The following PLD5 variants were observed in gnomAD, a reference collection of about 807,000 sequenced individuals.
The protein encoded by PLD5 is phospholipase D family member 5.
In PLD5, 36 loss-of-function variants were observed where a neutral mutation model predicts 61.1. The ratio of observed to expected loss-of-function variants is 0.59; its 90% CI spans 0.45 to 0.78. The LOEUF (loss-of-function observed/expected upper bound fraction) is 0.78. Among genes scored for constraint, PLD5 ranks in the 30% least tolerant of loss-of-function variants. PLD5 has a pLI of 0.00. For missense variants in PLD5, 515 were observed against 644.4 expected (o/e 0.80, Z 2.17); for synonymous variants, 243 against 242.8 (o/e 1.00, Z -0.01).
Position 242,438,605 on chromosome 1 carries a change from A to G in PLD5, c.189+85483T>C, listed in dbSNP as rs992103069. Among the ~76,000 whole-genome samples the G allele has an allele frequency of 2.6e-5, 4 of 152,030 alleles. No homozygotes were observed. The South Asian group carries it at 8.3e-4, about 32-fold the overall frequency. On this transcript the variant is annotated intron_variant, in intron 1 of 9. Coordinates refer to ENST00000536534, the MANE Select transcript of PLD5 (RefSeq NM_001372062.1). ...ATTACCGGCACGCATCACCACGCCC[A>G]GCTAATTTTTGTATTTTTAGTAGAG...
At chr1:242,120,202 G>A (rs889240612) in intron 6 of PLD5, among the ~76,000 whole-genome samples, 1 of 152,052 alleles carries the variant, frequency 6.6e-6, no homozygotes, top group Non-Finnish European at 1.5e-5. Flanking sequence ...ATCAGTATGG[G>A]GTTTTTTCTT....
At chr1:242,377,005 T>C (rs1395483831) in intron 1 of PLD5, 1 of 1,611,788 alleles carries the variant, frequency 6.2e-7, no homozygotes, top group East Asian at 2.2e-5. Flanking sequence ...GCAGCTTCAG[T>C]TTCAAAAGTT....
At chr1:242,247,183 T>C (rs985604006) in intron 4 of PLD5, among the ~76,000 whole-genome samples, 18 of 152,052 alleles carry the variant, frequency 1.2e-4, no homozygotes, top group Non-Finnish European at 1.5e-4. Context: ...GGGGTTTCAC[T>C]GTGTTAGCCA....
chr1:242,198,716 A>AG (rs1161301059), intron 5 of PLD5, among the ~76,000 whole-genome samples: 3 of 151,292 alleles, frequency 2.0e-5, no homozygotes, highest in East Asian at 1.9e-4. Flanking sequence ...AAAAAAAAAA[A>AG]AAAAAAAAGT....
intron 9 of PLD5, among the ~76,000 whole-genome samples, chr1:242,097,404 A>G (rs1660332035): frequency 6.6e-6 from 1 of 152,168 alleles, no homozygotes; most frequent in Non-Finnish European, 1.5e-5. Context: ...CATCCTCTCC[A>G]GCACCTGTTG....
intron 1 of PLD5, among the ~76,000 whole-genome samples, chr1:242,520,704 C>CA (rs1669254074): frequency 6.6e-6 from 1 of 152,074 alleles, no homozygotes; most frequent in Non-Finnish European, 1.5e-5. Flanking sequence ...GAAAAATGTT[C>CA]AAAAAAGCAT....
chr1:242,177,334 A>G (rs1667220932), intron 5 of PLD5, among the ~76,000 whole-genome samples: 1 of 152,120 alleles, frequency 6.6e-6, no homozygotes, highest in Non-Finnish European at 1.5e-5. Context: ...CAAACACCAC[A>G]TGTTCTCACT....
At chr1:242,462,610 T>A (rs796341553) in intron 1 of PLD5, among the ~76,000 whole-genome samples, 10 of 145,926 alleles carry the variant, frequency 6.9e-5, no homozygotes, top group South Asian at 2.2e-4. Flanking sequence ...AAAGTTGAAA[T>A]AAAAAAAAAA....
At chr1:242,297,418 T>C (rs1322213507) in intron 2 of PLD5, among the ~76,000 whole-genome samples, 2 of 149,624 alleles carry the variant, frequency 1.3e-5, no homozygotes, top group Non-Finnish European at 1.5e-5. Flanking sequence ...TTTTTTTTTT[T>C]TTTTTTAAGG....
rs559618989 is a variant in PLD5, at chr1:242,466,915, T to C, written c.189+57173A>G. Among the ~76,000 whole-genome samples, 37 of 143,642 alleles carry C rather than the reference T, an allele frequency of 2.6e-4. No individual in the cohort carries two copies. In the South Asian group the frequency reaches 8.0e-3, roughly 31 times the overall value. The allele number at this position is 143,642 out of a possible 152,430, so 94.2% of individuals were successfully genotyped here. ...CTCAAAAAAAAAAAAAAGTGGAACT[T>C]ATAGAAATAGAATAGAGCGCTGGTT... is the stretch of plus-strand genomic sequence containing the variant. On this transcript the variant is annotated intron_variant, in intron 1 of 9. Coordinates refer to ENST00000536534, the MANE Select transcript of PLD5 (RefSeq NM_001372062.1).
intron 4 of PLD5, among the ~76,000 whole-genome samples, chr1:242,244,178 C>G (rs1174992809): frequency 6.6e-6 from 1 of 152,198 alleles, no homozygotes; most frequent in Non-Finnish European, 1.5e-5. Flanking sequence ...AAAAGTCATT[C>G]TTTGTGATAG....
chr1:242,087,060 G>C lies in PLD5; in HGVS notation c.*2794C>G, dbSNP rs1659508914. 1 of 152,180 alleles carries C rather than the reference G, an allele frequency of 6.6e-6. No individual in the cohort carries two copies. Among genetic ancestry groups the C allele is most frequent in the South Asian group, 2.1e-4 (1 of 4,836 alleles). The allele number at this position is 152,180 out of a possible 1,614,324, so 9.4% of individuals were successfully genotyped here. The stretch of plus-strand genomic sequence containing the variant: ...AAAAGAAAGGAAAGCCGTCTCTAGA[G>C]GGATAGCTAAAGCATCCAAATGAAA... On this transcript the variant is annotated 3_prime_UTR_variant, in exon 10 of 10. Transcript: ENST00000536534.
At position 242,084,261 on chromosome 1, in the gene PLD5, T is replaced by C. The variant is rs776276991; in HGVS notation, c.*5593A>G. 7.9e-5 allele frequency: 12 copies of C among 152,044 alleles called. No homozygotes were observed. The highest frequency in any genetic ancestry group is 1.8e-4 in the Non-Finnish European group (12 of 68,012). 9.4% of individuals were successfully genotyped at this position (152,044 alleles called of 1,614,324 possible). On this transcript the variant is annotated 3_prime_UTR_variant, in exon 10 of 10. Transcript: ENST00000536534. ...ACTATTGACTATTGCAGACTCAAAG[T>C]TCACTTTTAAGCCTTTGCTAACCTC... is the stretch of plus-strand genomic sequence containing the variant.
chr1:242,381,636 T>C (rs1362530585), intron 1 of PLD5, among the ~76,000 whole-genome samples: 1 of 152,204 alleles, frequency 6.6e-6, no homozygotes, highest in Non-Finnish European at 1.5e-5. Context: ...ACTTCTCCTT[T>C]TTATTTTTGT....
At chr1:242,217,146 G>T (rs559644657) in intron 5 of PLD5, among the ~76,000 whole-genome samples, 55 of 152,342 alleles carry the variant, frequency 3.6e-4, no homozygotes, top group African/African-American at 1.3e-3. Flanking sequence ...GCAAGGAGAT[G>T]AATGTTGTCT....
intron 2 of PLD5, among the ~76,000 whole-genome samples, chr1:242,338,196 C>T (rs1237048791): frequency 2.6e-5 from 4 of 152,060 alleles, no homozygotes; most frequent in African/African-American, 9.7e-5. Flanking sequence ...AGGTCTATAA[C>T]CAAAATATAA....
intron 3 of PLD5, among the ~76,000 whole-genome samples, chr1:242,272,241 G>A (rs1294206325): frequency 1.3e-5 from 2 of 151,948 alleles, no homozygotes. Flanking sequence ...GTACCAAAGA[G>A]CATGGCAACT....
At chr1:242,412,611 C>T (rs181435804) in intron 1 of PLD5, among the ~76,000 whole-genome samples, 98 of 152,326 alleles carry the variant, frequency 6.4e-4, no homozygotes, top group Admixed American at 6.4e-3. Flanking sequence ...CTCTCAGCAT[C>T]ATTCCCTGAT....
intron 5 of PLD5, among the ~76,000 whole-genome samples, chr1:242,171,058 G>C (rs1036318274): frequency 1.3e-5 from 2 of 152,052 alleles, no homozygotes; most frequent in Non-Finnish European, 2.9e-5. Flanking sequence ...GATACTCCTC[G>C]AGCAGAGCAA....
Sources: allele counts gnomAD v4.1 joint callset (sites outside exome capture counted in the v4.1 genomes callset), GRCh38; gene constraint gnomAD v4.1.1; transcripts MANE v1.5; gene names NCBI Gene and HGNC (gene_info 2026-07-23, HGNC 2026-07-21).